PKNOX2: variants seen among roughly 807,000 people sequenced by gnomAD.
PKNOX2 encodes the protein PBX/knotted 1 homeobox 2.
A neutral mutation model predicts 53.1 loss-of-function variants in PKNOX2; 14 were observed. The observed-to-expected ratio is 0.26, with a 90% confidence interval of 0.17 to 0.41. The LOEUF is 0.41. Among genes scored for constraint, PKNOX2 ranks in the 10% least tolerant of loss-of-function variants. The pLI is 1.00. For missense variants in PKNOX2, 496 were observed against 602.8 expected (o/e 0.82, Z 1.85); for synonymous variants, 257 against 242.8 (o/e 1.06, Z -0.54).
At chr11:125,215,240 G>C (rs1940360021) in intron 1 of PKNOX2, among the ~76,000 whole-genome samples, 1 of 152,052 alleles carries the variant, frequency 6.6e-6, no homozygotes, top group South Asian at 2.1e-4. Flanking sequence ...AGTAATCATT[G>C]GTTTTCTAAT....
At chr11:125,381,188 A>G (rs1282376367) in intron 5 of PKNOX2, among the ~76,000 whole-genome samples, 2 of 152,118 alleles carry the variant, frequency 1.3e-5, no homozygotes, top group African/African-American at 4.8e-5. Flanking sequence ...GACCATGACC[A>G]TGGATCACAG....
At chr11:125,207,704 T>C (rs1939302388) in intron 1 of PKNOX2, among the ~76,000 whole-genome samples, 2 of 151,988 alleles carry the variant, frequency 1.3e-5, no homozygotes, top group African/African-American at 4.8e-5. Context: ...AGAGAGGTTT[T>C]AGTGGCAAGT....
chr11:125,331,437 C>T (rs975621906), intron 2 of PKNOX2, among the ~76,000 whole-genome samples: 1 of 152,138 alleles, frequency 6.6e-6, no homozygotes, highest in Non-Finnish European at 1.5e-5. Context: ...ACTGTCCCCC[C>T]TTCCTCTGAG....
intron 6 of PKNOX2, among the ~76,000 whole-genome samples, chr11:125,393,158 CAAA>C (rs571335360): frequency 7.1e-5 from 5 of 70,204 alleles, no homozygotes; most frequent in African/African-American, 9.6e-5. Flanking sequence ...AGACTCGTCT[CAAA>C]AAAAAAAAAA....
intron 9 of PKNOX2, chr11:125,411,494 CTCTCTCTCT>C: frequency 2.2e-6 from 1 of 455,390 alleles, no homozygotes; most frequent in East Asian, 4.3e-5. Context: ...CTCTCTCTCT[CTCTCTCTCT>C]CTCTCTCCCC....
chr11:125,256,763 C>T (rs1033881705), intron 2 of PKNOX2, among the ~76,000 whole-genome samples: 2 of 152,200 alleles, frequency 1.3e-5, no homozygotes, highest in Admixed American at 6.5e-5. Flanking sequence ...AATCCCGCTG[C>T]TCTTCTCTGG....
chr11:125,279,050 G>C (rs772550719), intron 2 of PKNOX2, among the ~76,000 whole-genome samples: 8 of 152,216 alleles, frequency 5.3e-5, no homozygotes, highest in Non-Finnish European at 1.0e-4. Context: ...CCCCCAACAG[G>C]GGCATGTGTC....
intron 2 of PKNOX2, among the ~76,000 whole-genome samples, chr11:125,316,427 T>C (rs146936677): frequency 0.023 from 3,453 of 152,292 alleles, 131 homozygotes; most frequent in African/African-American, 0.078. Context: ...ACTTACTGCA[T>C]CGAGAAATGA....
chr11:125,338,005 G>A lies in PKNOX2; in HGVS notation c.-23+6080G>A, dbSNP rs116751678. Among the ~76,000 whole-genome samples the A allele has an allele frequency of 6.8e-3, 1,037 of 152,284 alleles. 13 individuals carry two copies. The highest frequency in any genetic ancestry group is 0.023 in the African/African-American group (946 of 41,556). On this transcript the variant is annotated intron_variant, in intron 3 of 12. Transcript: ENST00000298282. ...CTGCTTCCAGAATTGGAGAAGAAGC[G>A]TTCATTTCCTGAGGAGTGAAGAAAA...
chr11:125,313,764 G>T (rs112244083), intron 2 of PKNOX2, among the ~76,000 whole-genome samples: 18 of 152,176 alleles, frequency 1.2e-4, no homozygotes, highest in African/African-American at 4.1e-4. Flanking sequence ...AAAATGAAAT[G>T]AAATTAAACA....
intron 5 of PKNOX2, among the ~76,000 whole-genome samples, chr11:125,382,368 A>G (rs1193474922): frequency 1.3e-5 from 2 of 152,162 alleles, no homozygotes; most frequent in Non-Finnish European, 2.9e-5. Flanking sequence ...CCTCCCTCCA[A>G]CTAACCAGTG....
chr11:125,424,161 T>C (rs77142743), intron 10 of PKNOX2, among the ~76,000 whole-genome samples: 3 of 151,990 alleles, frequency 2.0e-5, no homozygotes, highest in Non-Finnish European at 2.9e-5. Flanking sequence ...TAGTATCCTA[T>C]TTTTTTGACC....
chr11:125,239,192 A>G (rs552991201), intron 2 of PKNOX2, among the ~76,000 whole-genome samples: 8 of 152,372 alleles, frequency 5.3e-5, no homozygotes, highest in African/African-American at 1.7e-4. Flanking sequence ...AAGTTCACTC[A>G]TAAACTATTG....
At chr11:125,214,206 G>A (rs1940215903) in intron 1 of PKNOX2, among the ~76,000 whole-genome samples, 1 of 152,058 alleles carries the variant, frequency 6.6e-6, no homozygotes, top group African/African-American at 2.4e-5. Flanking sequence ...AGGGTGGCTT[G>A]GAAGAGAGCT....
At chr11:125,265,520 C>T (rs545839067) in intron 2 of PKNOX2, among the ~76,000 whole-genome samples, 41 of 152,344 alleles carry the variant, frequency 2.7e-4, no homozygotes, top group African/African-American at 8.7e-4. Flanking sequence ...CTTCAGTGGA[C>T]GCATCCCTGA....
Position 125,223,686 on chromosome 11 carries a change from A to G in PKNOX2, c.-200-11359A>G, listed in dbSNP as rs555138869. Among the ~76,000 whole-genome samples the G allele has an allele frequency of 5.9e-5, 9 of 152,204 alleles. No individual in the cohort carries two copies. In the South Asian group the frequency reaches 1.9e-3, roughly 32 times the overall value. On this transcript the variant is annotated intron_variant, in intron 1 of 12. Transcript: ENST00000298282. ...AACTTTAATGCAAAGATTTCGTGGC[A>G]TGTACTTTGACTTCCAGAAGATTAA...
At chr11:125,375,697 G>A (rs1009782802) in intron 5 of PKNOX2, among the ~76,000 whole-genome samples, 2 of 152,152 alleles carry the variant, frequency 1.3e-5, no homozygotes, top group African/African-American at 2.4e-5. Context: ...CCAAGACAAC[G>A]TGGTTAGGGC....
At chr11:125,368,304 G>A (rs189975790) in intron 5 of PKNOX2, among the ~76,000 whole-genome samples, 9 of 152,216 alleles carry the variant, frequency 5.9e-5, no homozygotes, top group Middle Eastern at 3.4e-3. Flanking sequence ...CCCTTTCCTC[G>A]CCCTGTGTCC....
At chr11:125,346,762 G>GAGGAAGGGAGGAAGGA (rs1555159727) in intron 3 of PKNOX2, among the ~76,000 whole-genome samples, 10 of 151,316 alleles carry the variant, frequency 6.6e-5, no homozygotes, top group African/African-American at 2.5e-4. Context: ...GGAAGGAAGG[G>GAGGAAGGGAGGAAGGA]AGGAAGGAGG....
Sources: allele counts gnomAD v4.1 joint callset (sites outside exome capture counted in the v4.1 genomes callset), GRCh38; gene constraint gnomAD v4.1.1; transcripts MANE v1.5; gene names NCBI Gene and HGNC (gene_info 2026-07-23, HGNC 2026-07-21).